HCN1: variants seen among roughly 807,000 people sequenced by gnomAD.
HCN1 encodes the protein potassium/sodium hyperpolarization-activated cyclic nucleotide-gated channel 1.
HCN1 carries 13 observed loss-of-function variants against 78.9 expected under a neutral mutation model. That is an observed-to-expected ratio of 0.16 (90% CI 0.11 to 0.26). HCN1 has a LOEUF of 0.26. HCN1 is among the 10% of genes least tolerant of loss of function. The pLI is 1.00. For missense variants in HCN1, 810 were observed against 1,154.3 expected (o/e 0.70, Z 4.32); for synonymous variants, 552 against 455.5 (o/e 1.21, Z -2.70).
At chr5:45,452,961 C>A (rs1171072447) in intron 3 of HCN1, among the ~76,000 whole-genome samples, 2 of 152,006 alleles carry the variant, frequency 1.3e-5, no homozygotes, top group Non-Finnish European at 2.9e-5. Flanking sequence ...CTTCATGTCA[C>A]TTCTGATTCT....
chr5:45,672,146 T>C (rs946882997), intron 1 of HCN1, among the ~76,000 whole-genome samples: 1 of 151,524 alleles, frequency 6.6e-6, no homozygotes, highest in African/African-American at 2.4e-5. Flanking sequence ...ACTTGACCAG[T>C]CAAAAAACAC....
At chr5:45,398,394 C>T (rs942529340) in intron 3 of HCN1, among the ~76,000 whole-genome samples, 11 of 151,998 alleles carry the variant, frequency 7.2e-5, no homozygotes, top group African/African-American at 2.7e-4. Flanking sequence ...ATATAATGTA[C>T]TCATCTCATT....
At chr5:45,601,799 T>C (rs1028137025) in intron 2 of HCN1, among the ~76,000 whole-genome samples, 24 of 152,190 alleles carry the variant, frequency 1.6e-4, no homozygotes, top group Non-Finnish European at 2.9e-4. Context: ...GAATGGAAAG[T>C]GTGCCCTTAT....
chr5:45,375,383 A>T, intron 4 of HCN1, among the ~76,000 whole-genome samples: 1 of 112,954 alleles, frequency 8.9e-6, no homozygotes, highest in East Asian at 2.7e-4. Flanking sequence ...TATATAATAT[A>T]ATATTTTATG....
In HCN1 at chr5:45,315,762, A is replaced by G. The variant is rs1745973505; in HGVS notation, c.1378-11923T>C. Reference sequence around the variant, plus strand: ...CACCGATCCCACAGAAATACAGACTACCATCAGAGAATACTATAAACACCT... The same window carrying G: ...CACCGATCCCACAGAAATACAGACTGCCATCAGAGAATACTATAAACACCT... On this transcript the variant is annotated intron_variant, in intron 5 of 7. Coordinates refer to ENST00000303230, the MANE Select transcript of HCN1 (RefSeq NM_021072.4). 2.0e-5 allele frequency among the ~76,000 whole-genome samples: 3 copies of G among 152,172 alleles called. 1 individual carries two copies. In the South Asian group the frequency reaches 6.2e-4, roughly 32 times the overall value.
In HCN1 at chr5:45,692,612, G is replaced by A. The variant is rs111332462; in HGVS notation, c.425+3057C>T. Reference sequence around the variant, plus strand: ...GGTTTCTATTGTCATCCTCTGCTGAGGAAAAAGGTAAATACAGCAACTCTG... The same window carrying A: ...GGTTTCTATTGTCATCCTCTGCTGAAGAAAAAGGTAAATACAGCAACTCTG... On this transcript the variant is annotated intron_variant, in intron 1 of 7. Coordinates refer to ENST00000303230, the MANE Select transcript of HCN1 (RefSeq NM_021072.4). 2.6e-5 allele frequency among the ~76,000 whole-genome samples: 4 copies of A among 152,206 alleles called. 1 individual carries two copies. Among genetic ancestry groups the A allele is most frequent in the African/African-American group, 9.6e-5 (4 of 41,526 alleles).
rs16902201 is a variant in HCN1 at position 45,654,562 on chromosome 5, A to C, written c.426-8954T>G. Among the ~76,000 whole-genome samples, 759 of 152,204 alleles carry C rather than the reference A, an allele frequency of 5.0e-3. 4 individuals carry two copies. Among genetic ancestry groups the C allele is most frequent in the African/African-American group, 0.017 (724 of 41,530 alleles). On this transcript the variant is annotated intron_variant, in intron 1 of 7. Coordinates refer to ENST00000303230, the MANE Select transcript of HCN1 (RefSeq NM_021072.4). ...ACAAAAATGTATTCTAGTACCATTCACTCTAGTATACAATTCAGTAAACTG... is the reference window on the plus strand; with the variant it reads ...ACAAAAATGTATTCTAGTACCATTCCCTCTAGTATACAATTCAGTAAACTG...
intron 5 of HCN1, among the ~76,000 whole-genome samples, chr5:45,330,174 T>C (rs1746316267): frequency 6.6e-6 from 1 of 151,334 alleles, no homozygotes; most frequent in African/African-American, 2.4e-5. Context: ...AGACTTTGTA[T>C]TTGATTAGTT....
chr5:45,520,175 C>G (rs999971840), intron 2 of HCN1, among the ~76,000 whole-genome samples: 4 of 152,054 alleles, frequency 2.6e-5, no homozygotes, highest in Non-Finnish European at 4.4e-5. Context: ...TAGCCTGCTC[C>G]CATTGGAGTA....
At chr5:45,356,890 C>A (rs1466388977) in intron 4 of HCN1, among the ~76,000 whole-genome samples, 2 of 152,042 alleles carry the variant, frequency 1.3e-5, no homozygotes, top group African/African-American at 4.8e-5. Flanking sequence ...ATATTTACCA[C>A]AAAGCCAAAT....
At chr5:45,592,406 T>A (rs1744384968) in intron 2 of HCN1, among the ~76,000 whole-genome samples, 1 of 152,160 alleles carries the variant, frequency 6.6e-6, no homozygotes. Context: ...GCTTTTGATA[T>A]TAGCATAATA....
chr5:45,388,081 C>T (rs1248070274), intron 4 of HCN1, among the ~76,000 whole-genome samples: 1 of 152,090 alleles, frequency 6.6e-6, no homozygotes, highest in Non-Finnish European at 1.5e-5. Flanking sequence ...CCTACCAAAC[C>T]AAATACAGAC....
At chr5:45,617,264 CTAGG>C (rs1744975778) in intron 2 of HCN1, 1 of 151,940 alleles carries the variant, frequency 6.6e-6, no homozygotes, top group Non-Finnish European at 1.5e-5. Context: ...TAGGGTGATG[CTAGG>C]AGTTCAACAA....
intron 2 of HCN1, among the ~76,000 whole-genome samples, chr5:45,588,947 A>G (rs1744298722): frequency 6.6e-6 from 1 of 152,338 alleles, no homozygotes; most frequent in East Asian, 1.9e-4. Flanking sequence ...GTTTATGTGC[A>G]GAAAGAAGAG....
At chr5:45,366,562 CT>C (rs1421863192) in intron 4 of HCN1, among the ~76,000 whole-genome samples, 1 of 151,674 alleles carries the variant, frequency 6.6e-6, no homozygotes, top group Non-Finnish European at 1.5e-5. Flanking sequence ...TTGTAAATCT[CT>C]CTAGTTTGTT....
At chr5:45,301,894 A>G (rs1193075324) in intron 6 of HCN1, among the ~76,000 whole-genome samples, 1 of 152,052 alleles carries the variant, frequency 6.6e-6, no homozygotes, top group Non-Finnish European at 1.5e-5. Flanking sequence ...AGAAACAAGC[A>G]ACAAATTAGG....
intron 4 of HCN1, among the ~76,000 whole-genome samples, chr5:45,381,031 T>C (rs1236631814): frequency 2.0e-5 from 3 of 152,126 alleles, no homozygotes; most frequent in African/African-American, 4.8e-5. Context: ...GTTGTTATGA[T>C]ATTGCAAAGC....
intron 4 of HCN1, among the ~76,000 whole-genome samples, chr5:45,360,069 GATAAATA>G (rs1163613597): frequency 2.0e-5 from 3 of 150,614 alleles, no homozygotes; most frequent in African/African-American, 4.9e-5. Flanking sequence ...TATGTTATGT[GATAAATA>G]ATAAATAATA....
rs574835285 is a variant in HCN1, at chr5:45,434,863, C to T, written c.1011+26983G>A. ...TCAAAGTGAAGTTCTATTTTCATAA[C>T]ATATATATCTATATTATAAAAGAAT... On this transcript the variant is annotated intron_variant, in intron 3 of 7. Transcript: ENST00000303230. 2.0e-3 allele frequency among the ~76,000 whole-genome samples: 311 copies of T among 152,074 alleles called. 2 individuals are homozygous for T. Among genetic ancestry groups the T allele is most frequent in the Non-Finnish European group, 3.7e-3 (254 of 67,948 alleles).
Sources: gnomAD v4.1 joint callset for allele counts (sites outside exome capture counted in the v4.1 genomes callset) on GRCh38, gnomAD v4.1.1 for gene constraint, MANE v1.5 for transcripts, NCBI Gene and HGNC (gene_info 2026-07-23, HGNC 2026-07-21) for gene names.